The following DENND2C variants were observed in gnomAD, a reference collection of about 807,000 sequenced individuals.
DENND2C encodes the protein DENN domain-containing protein 2C.
DENND2C carries 72 observed loss-of-function variants against 112.4 expected under a neutral mutation model. The observed-to-expected ratio is 0.64, with a 90% CI of 0.53 to 0.78. The LOEUF is 0.78. Among genes scored for constraint, DENND2C ranks in the 30% least tolerant of loss-of-function variants. The probability of loss-of-function intolerance (pLI) is 0.00; values close to 1 mark genes in which losing one functional copy is unlikely to be tolerated. For missense variants in DENND2C, 992 were observed against 1,113.8 expected (o/e 0.89, Z 1.56); for synonymous variants, 329 against 381.6 (o/e 0.86, Z 1.61).
chr1:114,657,384 C>T (rs1657363918), intron 1 of DENND2C, among the ~76,000 whole-genome samples: 1 of 151,948 alleles, frequency 6.6e-6, no homozygotes, highest in African/African-American at 2.4e-5. Flanking sequence ...TTATAAACTC[C>T]AAAACATTGG....
Position 114,625,415 on chromosome 1 carries a change from G to A in DENND2C, c.570C>T (p.Ser190=), listed in dbSNP as rs1340396281. The change falls in exon 4 of 21, where the codon AGC becomes AGT. Residue 190 remains serine (S), a synonymous_variant. Transcript: ENST00000393274. The part of the protein sequence containing the change: ...VLDSSYGITK[S]LENIYSEPEG... ...CAGGTTCAGAGTAAATATTTTCTAA[G>A]CTCTTGGTTATTCCGTATGAACTAT... 4 of 1,613,976 alleles carry A rather than the reference G, an allele frequency of 2.5e-6. No homozygotes were observed. The African/African-American group carries it at 4.0e-5, about 16-fold the overall frequency.
chr1:114,615,091 C>G (rs977482587), intron 8 of DENND2C, among the ~76,000 whole-genome samples: 5 of 151,784 alleles, frequency 3.3e-5, no homozygotes, highest in Non-Finnish European at 5.9e-5. Context: ...TTTACAAGCA[C>G]TTGTCCTGGC....
intron 10 of DENND2C, among the ~76,000 whole-genome samples, chr1:114,607,029 T>A (rs189161910): frequency 1.2e-4 from 19 of 152,274 alleles, no homozygotes; most frequent in Non-Finnish European, 4.4e-5. Context: ...GCTGGTCTGA[T>A]CCTAACCCTC....
intron 20 of DENND2C, 149 bp downstream of exon 20, chr1:114,587,238 G>C: frequency 1.3e-6 from 1 of 791,344 alleles, no homozygotes; most frequent in South Asian, 1.6e-5. Context: ...GTAGGGATGG[G>C]GTCTCACTAT....
chr1:114,624,044 G>C (rs1450959435), intron 4 of DENND2C, among the ~76,000 whole-genome samples: 1 of 152,138 alleles, frequency 6.6e-6, no homozygotes, highest in Non-Finnish European at 1.5e-5. Flanking sequence ...ATTGGTATGG[G>C]AGACAGAAAT....
At chr1:114,631,921 G>A (rs1384845205) in intron 3 of DENND2C, among the ~76,000 whole-genome samples, 1 of 152,124 alleles carries the variant, frequency 6.6e-6, no homozygotes, top group Non-Finnish European at 1.5e-5. Context: ...AGGAAAACAT[G>A]AACATAAGTA....
At chr1:114,627,039 TACACTAAAGACAACTCAA>T (rs1656363624) in intron 3 of DENND2C, among the ~76,000 whole-genome samples, 1 of 152,222 alleles carries the variant, frequency 6.6e-6, no homozygotes, top group South Asian at 2.1e-4. Context: ...GGATTCCATA[TACACTAAAGACAACTCAA>T]GGTGCCCATG....
At chr1:114,665,491 C>T (rs933910132) in intron 1 of DENND2C, among the ~76,000 whole-genome samples, 6 of 152,096 alleles carry the variant, frequency 3.9e-5, no homozygotes, top group African/African-American at 1.4e-4. Context: ...TATGATGGTG[C>T]CAAAGCAGTA....
At position 114,621,788 on chromosome 1, in the gene DENND2C, A is replaced by T. The variant is rs115480248; in HGVS notation, c.1227+107T>A. The T allele has an allele frequency of 2.7e-3, 3,723 of 1,388,718 alleles. 77 individuals are homozygous for T. The African/African-American group carries it at 0.043, about 16-fold the overall frequency. The allele number at this position is 1,388,718 out of a possible 1,614,324, so 86.0% of individuals were successfully genotyped here. On this transcript the variant is annotated intron_variant, in intron 7 of 20. Transcript: ENST00000393274. The stretch of plus-strand genomic sequence containing the variant: ...GCTGCCTTCTAAGTCTTCTAATCCC[A>T]GTAGGTCAGTTCTAACCTATTATTC...
At chr1:114,650,673 C>CA (rs58693255) in intron 2 of DENND2C, among the ~76,000 whole-genome samples, 32,784 of 61,778 alleles carry the variant, frequency 0.53, 9,513 homozygotes, top group South Asian at 0.59. Flanking sequence ...GACTCCGTCT[C>CA]AAAAAAAAAA....
intron 3 of DENND2C, among the ~76,000 whole-genome samples, chr1:114,634,455 T>G (rs1656590349): frequency 6.6e-6 from 1 of 152,100 alleles, no homozygotes; most frequent in African/African-American, 2.4e-5. Flanking sequence ...TGCCTCAGCC[T>G]CCTGAGTAGC....
At chr1:114,636,896 T>C (rs1173388542) in intron 3 of DENND2C, among the ~76,000 whole-genome samples, 1 of 151,726 alleles carries the variant, frequency 6.6e-6, no homozygotes, top group Non-Finnish European at 1.5e-5. Flanking sequence ...CTCTATATAC[T>C]AAGAATAAAC....
At position 114,588,035 on chromosome 1, in the gene DENND2C, C is replaced by T. The variant is rs113198986; in HGVS notation, c.2432-83G>A. The T allele has an allele frequency of 6.6e-3, 7,821 of 1,191,212 alleles. 33 individuals are homozygous for T. The highest frequency in any genetic ancestry group is 8.3e-3 in the Non-Finnish European group (6,994 of 838,540). 73.8% of individuals were successfully genotyped at this position (1,191,212 alleles called of 1,614,324 possible). On this transcript the variant is annotated intron_variant, in intron 18 of 20. Transcript: ENST00000393274. ...AAACACTGGCTCTGGTTATGGAAGT[C>T]GTGCCTAAGAAGTTATAGATTAAAG... is the stretch of plus-strand genomic sequence containing the variant.
Position 114,585,466 on chromosome 1 carries a change from A to G in DENND2C, c.*134T>C, listed in dbSNP as rs222493. ...AGCAGCAACAGGAGAATCCTCCTCT[A>G]ACAGCCTGACTCGCTCTTTAACCTT... On this transcript the variant is annotated 3_prime_UTR_variant, in exon 21 of 21. Transcript: ENST00000393274. 761,527 of 890,294 alleles carry G rather than the reference A, an allele frequency of 0.86. 327,932 individuals carry two copies. The highest frequency in any genetic ancestry group is 0.96 in the African/African-American group (57,261 of 59,524). The allele number at this position is 890,294 out of a possible 1,614,324, so 55.1% of individuals were successfully genotyped here.
At chr1:114,650,433 G>A (rs1010969559) in intron 2 of DENND2C, among the ~76,000 whole-genome samples, 1 of 152,002 alleles carries the variant, frequency 6.6e-6, no homozygotes, top group Non-Finnish European at 1.5e-5. Flanking sequence ...GGGAGGCCGA[G>A]GCGGATGGAT....
intron 18 of DENND2C, among the ~76,000 whole-genome samples, chr1:114,588,303 G>A (rs1655098471): frequency 6.6e-6 from 1 of 152,160 alleles, no homozygotes; most frequent in Admixed American, 6.6e-5. Flanking sequence ...CTGCATTTGT[G>A]CTAACTACCT....
At chr1:114,595,706 G>C (rs1412471370) in intron 17 of DENND2C, 126 bp downstream of exon 17, 3 of 833,230 alleles carry the variant, frequency 3.6e-6, no homozygotes, top group African/African-American at 1.7e-5. Context: ...GTCAATTCAA[G>C]TATGTGTAGG....
chr1:114,651,529 A>AG (rs1048159028), intron 2 of DENND2C, among the ~76,000 whole-genome samples: 2 of 152,148 alleles, frequency 1.3e-5, no homozygotes, highest in African/African-American at 4.8e-5. Context: ...ACCTGAGGTC[A>AG]GGAGTTCGAG....
intron 8 of DENND2C, among the ~76,000 whole-genome samples, chr1:114,613,382 A>G (rs926160085): frequency 3.3e-5 from 5 of 152,240 alleles, no homozygotes; most frequent in Admixed American, 2.0e-4. Flanking sequence ...ATTTTATAAT[A>G]AGGAATAAGA....
Sources: gnomAD v4.1 joint callset for allele counts (sites outside exome capture counted in the v4.1 genomes callset) on GRCh38, gnomAD v4.1.1 for gene constraint, MANE v1.5 for transcripts, NCBI Gene and HGNC (gene_info 2026-07-23, HGNC 2026-07-21) for gene names.